The following GPR180 variants were observed in gnomAD, a reference collection of about 807,000 sequenced individuals.
GPR180 encodes the protein integral membrane protein GPR180.
Under a neutral mutation model 52.6 loss-of-function variants are expected in GPR180, and 53 were observed. The observed-to-expected ratio is 1.01, with a 90% CI of 0.81 to 1.27. The LOEUF (loss-of-function observed/expected upper bound fraction) is 1.27. GPR180 is among the 50% of genes most tolerant of loss of function. GPR180 has a pLI of 0.00. For synonymous variants in GPR180, 200 were observed against 193.1 expected (o/e 1.04, Z -0.30); for missense variants, 533 against 527.0 (o/e 1.01, Z -0.11).
chr13:94,608,747 A>G (rs1889665326), intron 2 of GPR180, among the ~76,000 whole-genome samples: 1 of 152,224 alleles, frequency 6.6e-6, no homozygotes. Context: ...CTTAAGAGTT[A>G]ACAGCCTTTC....
chr13:94,628,925 AT>A lies in GPR180; in HGVS notation c.*1755del, dbSNP rs1457910168. Reference sequence around the variant, plus strand: ...AACTTGCCAAAAGGGGAAGGGAAAAATCTTTGTGTTACTTCACTCAAAGAAC... The same window carrying A: ...AACTTGCCAAAAGGGGAAGGGAAAAACTTTGTGTTACTTCACTCAAAGAAC... On this transcript the variant is annotated 3_prime_UTR_variant, in exon 9 of 9. Transcript: ENST00000376958. The A allele has an allele frequency of 6.6e-6, 1 of 152,128 alleles. No individual in the cohort carries two copies. Among genetic ancestry groups the A allele is most frequent in the Non-Finnish European group, 1.5e-5 (1 of 67,966 alleles). The allele number at this position is 152,128 out of a possible 1,614,324, so 9.4% of individuals were successfully genotyped here.
At chr13:94,615,662 T>C (rs1324659915) in intron 3 of GPR180, among the ~76,000 whole-genome samples, 2 of 152,342 alleles carry the variant, frequency 1.3e-5, no homozygotes, top group Admixed American at 1.3e-4. Context: ...ACTGTATTTG[T>C]ACTCTAATTA....
At chr13:94,613,727 T>C (rs1364120939) in intron 3 of GPR180, among the ~76,000 whole-genome samples, 3 of 152,228 alleles carry the variant, frequency 2.0e-5, no homozygotes, top group Non-Finnish European at 2.9e-5. Flanking sequence ...TAGATCATTA[T>C]TGGAAGTTAA....
intron 2 of GPR180, among the ~76,000 whole-genome samples, chr13:94,607,717 G>A (rs1208408795): frequency 6.6e-6 from 1 of 152,208 alleles, no homozygotes; most frequent in Non-Finnish European, 1.5e-5. Context: ...TGATAGATCA[G>A]TGACCAAAAT....
intron 2 of GPR180, among the ~76,000 whole-genome samples, chr13:94,611,253 T>A (rs1035921083): frequency 2.6e-5 from 4 of 152,184 alleles, no homozygotes; most frequent in African/African-American, 9.7e-5. Context: ...CTGCTTTTTG[T>A]ACACCTTTAA....
chr13:94,623,026 G>A (rs1889871549), intron 6 of GPR180, 83 bp from the exon 7 acceptor site: 3 of 926,270 alleles, frequency 3.2e-6, no homozygotes, highest in Non-Finnish European at 5.0e-6. Context: ...ACATTTAAAG[G>A]GATGTTTATT....
Position 94,612,356 on chromosome 13 carries a change from G to A in GPR180, c.471G>A (p.Gly157=), listed in dbSNP as rs1344553700. 6.2e-7 allele frequency: 1 copy of A among 1,612,772 alleles called. No individual in the cohort carries two copies. The highest frequency in any genetic ancestry group is 8.5e-7 in the Non-Finnish European group (1 of 1,178,794). ...EMVLLNPDAE[G]NPFDHFSAGE... Reference sequence around the variant, plus strand: ...TGTTACTAAACCCAGATGCCGAAGGGAATCCATTTGATCATTTTAGTGCTG... The same window carrying A: ...TGTTACTAAACCCAGATGCCGAAGGAAATCCATTTGATCATTTTAGTGCTG... Residue 157 remains glycine (G), a synonymous_variant, in exon 3 of 9, where the codon GGG becomes GGA. Coordinates refer to ENST00000376958, the MANE Select transcript of GPR180 (RefSeq NM_180989.6).
At chr13:94,622,135 C>T (rs1360082676) in intron 6 of GPR180, among the ~76,000 whole-genome samples, 1 of 151,808 alleles carries the variant, frequency 6.6e-6, no homozygotes, top group Non-Finnish European at 1.5e-5. Flanking sequence ...GAGACCATAT[C>T]ACAGGTGGTG....
At chr13:94,613,394 A>T (rs1195028344) in intron 3 of GPR180, among the ~76,000 whole-genome samples, 3 of 152,202 alleles carry the variant, frequency 2.0e-5, no homozygotes, top group Non-Finnish European at 4.4e-5. Flanking sequence ...TAAACTTTTT[A>T]AAAATATCCT....
intron 7 of GPR180, 80 bp downstream of exon 7, chr13:94,623,380 A>T (rs564923852): frequency 8.1e-6 from 9 of 1,112,948 alleles, no homozygotes; most frequent in Non-Finnish European, 1.2e-5. Context: ...AAACAACTAC[A>T]TGCTAACTTT....
chr13:94,620,114 T>C (rs1040775720), intron 5 of GPR180, among the ~76,000 whole-genome samples: 4 of 152,182 alleles, frequency 2.6e-5, no homozygotes, highest in African/African-American at 7.2e-5. Flanking sequence ...AGATAAAGGA[T>C]CTGGGCTCAG....
chr13:94,614,172 A>C (rs1254944902), intron 3 of GPR180, among the ~76,000 whole-genome samples: 2 of 152,192 alleles, frequency 1.3e-5, no homozygotes, highest in Non-Finnish European at 2.9e-5. Flanking sequence ...CACAGCCTTC[A>C]GGTCCTTTTT....
chr13:94,631,033 G>A lies in GPR180; in HGVS notation c.*3862G>A, dbSNP rs557185636. 6.6e-5 allele frequency: 10 copies of A among 152,344 alleles called. No homozygotes were observed. The East Asian group carries it at 1.7e-3, about 26-fold the overall frequency. The allele number at this position is 152,344 out of a possible 1,614,324, so 9.4% of individuals were successfully genotyped here. On this transcript the variant is annotated 3_prime_UTR_variant, in exon 9 of 9. Transcript: ENST00000376958. ...AGCTTATCCACATTATTGCTTATCTGTTGGCTTCTCTTGGCCTGTGGGACA... is the reference window on the plus strand; with the variant it reads ...AGCTTATCCACATTATTGCTTATCTATTGGCTTCTCTTGGCCTGTGGGACA...
chr13:94,614,598 A>G (rs1889753035), intron 3 of GPR180, among the ~76,000 whole-genome samples: 1 of 152,054 alleles, frequency 6.6e-6, no homozygotes. Flanking sequence ...GTTTTCCTCA[A>G]CATCTTGAGT....
At chr13:94,617,121 T>C (rs1464472320) in intron 3 of GPR180, among the ~76,000 whole-genome samples, 1 of 152,178 alleles carries the variant, frequency 6.6e-6, no homozygotes, top group Admixed American at 6.6e-5. Flanking sequence ...TCCTTCTATA[T>C]TATTCTCATT....
In GPR180 at chr13:94,629,110, TAATA is replaced by T. The variant is rs1889962561; in HGVS notation, c.*1943_*1946del. Reference sequence around the variant, plus strand: ...TTGTTAAGTGGAGGAAAGTAGTTGTTAATAAATGTATAAAACTGTTCTTGACTAG... The same window carrying T: ...TTGTTAAGTGGAGGAAAGTAGTTGTTAATGTATAAAACTGTTCTTGACTAG... On this transcript the variant is annotated 3_prime_UTR_variant, in exon 9 of 9. Coordinates refer to ENST00000376958, the MANE Select transcript of GPR180 (RefSeq NM_180989.6). The T allele has an allele frequency of 6.6e-6, 1 of 152,164 alleles. No individual in the cohort carries two copies. The highest frequency in any genetic ancestry group is 2.4e-5 in the African/African-American group (1 of 41,456). The allele number at this position is 152,164 out of a possible 1,614,324, so 9.4% of individuals were successfully genotyped here. A position where few individuals can be genotyped will look rare whatever the true frequency, so the allele number is the denominator to read the frequency against.
chr13:94,613,268 C>A (rs1322018765), intron 3 of GPR180, among the ~76,000 whole-genome samples: 2 of 152,062 alleles, frequency 1.3e-5, no homozygotes, highest in African/African-American at 4.8e-5. Flanking sequence ...GGAGGTGAGG[C>A]AGGAGTGAGG....
rs1889994899 is a variant in GPR180 at position 94,631,369 on chromosome 13, C to T, written c.*4198C>T. The T allele has an allele frequency of 6.6e-6, 1 of 151,788 alleles. No homozygotes were observed. The highest frequency in any genetic ancestry group is 1.5e-5 in the Non-Finnish European group (1 of 67,972). 9.4% of individuals were successfully genotyped at this position (151,788 alleles called of 1,614,324 possible). ...CTCCTATAATCCCTATAATAAGCCC[C>T]TTATTTTGAATATTAAGATATGTGT... On this transcript the variant is annotated 3_prime_UTR_variant, in exon 9 of 9. Transcript: ENST00000376958.
intron 4 of GPR180, 22 bp from the exon 5 acceptor site, chr13:94,619,446 C>T (rs771663143): frequency 1.2e-6 from 2 of 1,608,394 alleles, no homozygotes; most frequent in South Asian, 2.2e-5. Context: ...GTAATTTACA[C>T]TACTCTTCTT....
Sources: allele counts gnomAD v4.1 joint callset (sites outside exome capture counted in the v4.1 genomes callset), GRCh38; gene constraint gnomAD v4.1.1; transcripts MANE v1.5; gene names NCBI Gene and HGNC (gene_info 2026-07-23, HGNC 2026-07-21).